Variants in ACCSL observed in about 807,000 individuals in gnomAD.
ACCSL encodes the protein probable inactive 1-aminocyclopropane-1-carboxylate synthase-like protein 2.
Under a neutral mutation model 61.7 loss-of-function variants are expected in ACCSL, and 55 were observed. The ratio of observed to expected loss-of-function variants is 0.89; its 90% CI spans 0.72 to 1.12. The LOEUF (loss-of-function observed/expected upper bound fraction) is 1.12. Among genes scored for constraint, ACCSL ranks in the 50% most tolerant of loss-of-function variants. The pLI, the probability that ACCSL is intolerant of heterozygous loss-of-function variation, is 0.00. For missense variants in ACCSL, 632 were observed against 698.0 expected (o/e 0.91, Z 1.07); for synonymous variants, 258 against 264.3 (o/e 0.98, Z 0.23).
At chr11:43,984,419 G>C in the ACCSL span, among the ~76,000 whole-genome samples, 20,706 of 152,144 alleles carry the variant, frequency 0.14, 1,528 homozygotes, top group Non-Finnish European at 0.17. Flanking sequence ...GTTATTTGCT[G>C]GCCTAGGGAG....
the ACCSL span, among the ~76,000 whole-genome samples, chr11:43,964,071 TAA>T: frequency 0.056 from 8,395 of 150,668 alleles, 282 homozygotes; most frequent in Middle Eastern, 0.099. Context: ...CTGAAAATAT[TAA>T]AAAAAAAACA....
the ACCSL span, among the ~76,000 whole-genome samples, chr11:44,030,820 G>T: frequency 1.3e-5 from 2 of 152,092 alleles, no homozygotes; most frequent in South Asian, 2.1e-4. Flanking sequence ...TGGAGGCTGG[G>T]GTGGGAGTCA....
At chr11:43,925,415 C>G in the ACCSL span, 6 of 456,216 alleles carry the variant, frequency 1.3e-5, no homozygotes, top group South Asian at 9.3e-5. Context: ...TTGATCGTCT[C>G]CACGCTGCAC....
the ACCSL span, among the ~76,000 whole-genome samples, chr11:44,040,031 G>A: frequency 6.6e-5 from 10 of 152,320 alleles, no homozygotes; most frequent in African/African-American, 1.4e-4. Flanking sequence ...AGGCTAGGTG[G>A]GTTTGCCAAG....
chr11:43,925,519 C>T, the ACCSL span: 1 of 448,618 alleles, frequency 2.2e-6, no homozygotes, highest in South Asian at 1.6e-5. Flanking sequence ...TCTGCACCAA[C>T]CGATGAGGGG....
the ACCSL span, among the ~76,000 whole-genome samples, chr11:43,934,773 G>A: frequency 2.0e-5 from 3 of 152,256 alleles, no homozygotes; most frequent in Admixed American, 1.3e-4. Context: ...GCCCCAACCT[G>A]GTTCTTCCCA....
the ACCSL span, among the ~76,000 whole-genome samples, chr11:43,940,827 GACAC>G: frequency 2.6e-5 from 4 of 151,966 alleles, no homozygotes; most frequent in Non-Finnish European, 5.9e-5. Context: ...CCTCTGCCCA[GACAC>G]TCTCTTCCCA....
chr11:44,058,622 G>A lies in ACCSL; in HGVS notation c.1547G>A (p.Arg516His), dbSNP rs539844337. ...CTGGACAACAAGCTATTGTTATCCCGTGGCAAAACCTACATGTGTAAGGAG... is the reference window on the plus strand; with the variant it reads ...CTGGACAACAAGCTATTGTTATCCCATGGCAAAACCTACATGTGTAAGGAG... ...RFLDNKLLLS[R>H]GKTYMCKEPG... The change falls in exon 13 of 14, where the codon CGT becomes CAT. Residue 516 changes from arginine to histidine, a missense_variant. Coordinates refer to ENST00000378832, the MANE Select transcript of ACCSL (RefSeq NM_001031854.2). The A allele has an allele frequency of 3.0e-5, 49 of 1,614,068 alleles. No individual in the cohort carries two copies. The highest frequency in any genetic ancestry group is 8.3e-5 in the Admixed American group (5 of 60,010).
At chr11:43,978,782 GGTT>G in the ACCSL span, among the ~76,000 whole-genome samples, 10 of 116,830 alleles carry the variant, frequency 8.6e-5, no homozygotes, top group South Asian at 5.9e-4. Context: ...TGAGAAGGTG[GGTT>G]TTTTTTTTTT....
chr11:44,053,263 C>T, intron 7 of ACCSL, 143 bp from the exon 8 acceptor site: 2 of 861,106 alleles, frequency 2.3e-6, no homozygotes, highest in East Asian at 5.2e-5. Context: ...TTCCTGTTTC[C>T]CCTCTTTGGG....
the ACCSL span, among the ~76,000 whole-genome samples, chr11:43,960,138 T>C: frequency 2.0e-5 from 3 of 152,286 alleles, no homozygotes; most frequent in East Asian, 5.8e-4. Flanking sequence ...CAGGAGAGGC[T>C]GGCACCCAGG....
At chr11:43,983,561 T>C in the ACCSL span, among the ~76,000 whole-genome samples, 1 of 152,058 alleles carries the variant, frequency 6.6e-6, no homozygotes, top group Non-Finnish European at 1.5e-5. Flanking sequence ...CATGAGGAGC[T>C]TTCTAAGGAA....
At chr11:43,994,750 T>C in the ACCSL span, among the ~76,000 whole-genome samples, 2 of 152,066 alleles carry the variant, frequency 1.3e-5, no homozygotes, top group South Asian at 4.1e-4. Flanking sequence ...CTCCCACCTC[T>C]ACCTCCTGAG....
At chr11:43,936,279 A>G in the ACCSL span, among the ~76,000 whole-genome samples, 1 of 152,210 alleles carries the variant, frequency 6.6e-6, no homozygotes, top group Non-Finnish European at 1.5e-5. Context: ...GCAGGAGGGT[A>G]TAAGCCACCA....
chr11:43,942,273 G>A, the ACCSL span: 1 of 166,438 alleles, frequency 6.0e-6, no homozygotes. Flanking sequence ...CAGGGGGCGG[G>A]GGAGGGGGAC....
At chr11:43,948,297 A>C in the ACCSL span, among the ~76,000 whole-genome samples, 7 of 152,244 alleles carry the variant, frequency 4.6e-5, no homozygotes, top group East Asian at 1.4e-3. Flanking sequence ...CCTCTGGAAA[A>C]ATAGCAGAGG....
chr11:43,961,326 C>T, the ACCSL span, among the ~76,000 whole-genome samples: 1 of 152,236 alleles, frequency 6.6e-6, no homozygotes, highest in African/African-American at 2.4e-5. Context: ...GCCTCTGTAT[C>T]TGTGATACAG....
the ACCSL span, among the ~76,000 whole-genome samples, chr11:43,970,914 G>A: frequency 2.0e-5 from 3 of 152,176 alleles, no homozygotes; most frequent in East Asian, 5.8e-4. Context: ...CTAGTTGCTA[G>A]CACAATACCT....
At chr11:44,006,208 C>A in the ACCSL span, among the ~76,000 whole-genome samples, 1 of 152,188 alleles carries the variant, frequency 6.6e-6, no homozygotes, top group African/African-American at 2.4e-5. Flanking sequence ...GGGCAGGGTG[C>A]TAGGTGGGAG....
Sources: allele counts gnomAD v4.1 joint callset (sites outside exome capture counted in the v4.1 genomes callset), GRCh38; gene constraint gnomAD v4.1.1; transcripts MANE v1.5; gene names NCBI Gene and HGNC (gene_info 2026-07-23, HGNC 2026-07-21).